SPIN1: variants seen among roughly 807,000 people sequenced by gnomAD.
SPIN1 encodes the protein spindlin 1.
In SPIN1, 3 loss-of-function variants were observed where a neutral mutation model predicts 26.0. That is an observed-to-expected ratio of 0.12 (90% CI 0.05 to 0.30). SPIN1 has a LOEUF of 0.30. Among genes scored for constraint, SPIN1 ranks in the 10% least tolerant of loss-of-function variants. The probability of loss-of-function intolerance (pLI) is 1.00; values close to 1 mark genes in which losing one functional copy is unlikely to be tolerated. For missense variants in SPIN1, 126 were observed against 333.4 expected, an observed-to-expected ratio of 0.38 and a Z score of 4.84; for synonymous variants, 101 against 116.5, an observed-to-expected ratio of 0.87 and a Z score of 0.86.
At position 88,437,273 on chromosome 9, in the gene SPIN1, C is replaced by T. The variant is rs114540300; in HGVS notation, c.52+10682C>T. ...AGTATTTTGGGAGGTCAAGGTAGGC[C>T]GATCTCTTGAGCCTGAGAATTCTAG... On this transcript the variant is annotated intron_variant, in intron 2 of 5. Transcript: ENST00000375859. Among the ~76,000 whole-genome samples the T allele has an allele frequency of 7.4e-3, 1,122 of 151,824 alleles. 12 individuals are homozygous for T. The highest frequency in any genetic ancestry group is 0.025 in the African/African-American group (1,048 of 41,432).
intron 1 of SPIN1, among the ~76,000 whole-genome samples, chr9:88,422,515 A>G (rs76340820): frequency 0.027 from 4,062 of 152,174 alleles, 140 homozygotes; most frequent in African/African-American, 0.088. Flanking sequence ...AGCTGTTAAA[A>G]CCAGGGTTTT....
rs1255703154 is a variant in SPIN1 at position 88,475,445 on chromosome 9, C to G, written c.*168C>G. ...TGAATAGTACAGATTGATGTGAACA[C>G]AAAGCATTTTGTGTAAGGAGAACCC... is the stretch of plus-strand genomic sequence containing the variant. On this transcript the variant is annotated 3_prime_UTR_variant, in exon 6 of 6. Transcript: ENST00000375859. 3.5e-6 allele frequency: 2 copies of G among 567,024 alleles called. No individual in the cohort carries two copies. The highest frequency in any genetic ancestry group is 1.9e-5 in the African/African-American group (1 of 52,558). 35.1% of individuals were successfully genotyped at this position (567,024 alleles called of 1,614,324 possible).
At chr9:88,389,862 ACT>A (rs1327623994) in intron 1 of SPIN1, among the ~76,000 whole-genome samples, 1 of 151,958 alleles carries the variant, frequency 6.6e-6, no homozygotes, top group Non-Finnish European at 1.5e-5. Context: ...TTTTTTTAAC[ACT>A]CTTTTGAAGT....
chr9:88,388,895 C>G (rs1826851337), intron 1 of SPIN1, among the ~76,000 whole-genome samples: 1 of 150,858 alleles, frequency 6.6e-6, no homozygotes, highest in African/African-American at 2.4e-5. Flanking sequence ...GGCGGGGAGG[C>G]CGGCGGGCAG....
chr9:88,455,327 A>G (rs1053929011), intron 3 of SPIN1, among the ~76,000 whole-genome samples: 14 of 152,168 alleles, frequency 9.2e-5, no homozygotes, highest in Admixed American at 6.5e-4. Context: ...GTGGTGGCAC[A>G]TGCCTGTAAT....
intron 1 of SPIN1, among the ~76,000 whole-genome samples, chr9:88,417,333 T>G (rs1827587908): frequency 6.6e-6 from 1 of 152,218 alleles, no homozygotes; most frequent in Non-Finnish European, 1.5e-5. Flanking sequence ...TATCTGTGTC[T>G]CATTTTCTCT....
chr9:88,414,642 GT>G (rs1263282185), intron 1 of SPIN1, among the ~76,000 whole-genome samples: 9 of 152,174 alleles, frequency 5.9e-5, no homozygotes, highest in African/African-American at 1.7e-4. Flanking sequence ...AGTTTAAGTG[GT>G]ATTTTGAGCT....
intron 4 of SPIN1, among the ~76,000 whole-genome samples, chr9:88,464,186 A>AAT (rs1408203923): frequency 2.0e-5 from 3 of 152,226 alleles, no homozygotes; most frequent in Non-Finnish European, 4.4e-5. Flanking sequence ...GTAAATCAGC[A>AAT]ATATATATGC....
At chr9:88,402,673 T>G (rs1337157918) in intron 1 of SPIN1, among the ~76,000 whole-genome samples, 1 of 152,238 alleles carries the variant, frequency 6.6e-6, no homozygotes, top group Non-Finnish European at 1.5e-5. Context: ...CATTCCATTG[T>G]GTATACATGC....
intron 1 of SPIN1, among the ~76,000 whole-genome samples, chr9:88,397,033 AG>A (rs1241393327): frequency 1.3e-5 from 2 of 152,046 alleles, no homozygotes; most frequent in African/African-American, 4.8e-5. Flanking sequence ...CTCTGGGTTG[AG>A]TCTGTGAGTG....
intron 1 of SPIN1, among the ~76,000 whole-genome samples, chr9:88,392,212 T>G (rs1458620484): frequency 6.6e-6 from 1 of 152,190 alleles, no homozygotes; most frequent in Non-Finnish European, 1.5e-5. Flanking sequence ...AGGTAAACAG[T>G]TTCCTTAGTT....
intron 4 of SPIN1, among the ~76,000 whole-genome samples, chr9:88,466,008 ATAGT>A (rs748227025): frequency 9.2e-5 from 14 of 152,214 alleles, no homozygotes; most frequent in Non-Finnish European, 1.8e-4. Flanking sequence ...TTGATAGGAA[ATAGT>A]TATTTTTAAT....
rs146538748 is a variant in SPIN1, at chr9:88,412,961, C to T, written c.-158-13421C>T. Among the ~76,000 whole-genome samples the T allele has an allele frequency of 7.3e-3, 1,114 of 151,620 alleles. 12 individuals are homozygous for T. Among genetic ancestry groups the T allele is most frequent in the African/African-American group, 0.025 (1,044 of 41,388 alleles). ...CCTCCCAAAGTGCTGGGATTACAGG[C>T]GTGAGCCACCGCGCCTGGCCTCTTT... On this transcript the variant is annotated intron_variant, in intron 1 of 5. Transcript: ENST00000375859.
rs1343799118 is a variant in SPIN1, at chr9:88,462,634, G to T, written c.240G>T (p.Val80=). Residue 80 remains valine, a synonymous_variant, in exon 4 of 6, where the codon GTG becomes GTT. Transcript: ENST00000375859. ...TQWKGTVLDQ[V]PVNPSLYLIK... ...GGAAAGGAACCGTTCTGGACCAGGTGCCTGTAAATCCTTCTTTGTATCTTA... is the reference window on the plus strand; with the variant it reads ...GGAAAGGAACCGTTCTGGACCAGGTTCCTGTAAATCCTTCTTTGTATCTTA... 1.2e-6 allele frequency: 2 copies of T among 1,614,008 alleles called. No individual in the cohort carries two copies. Among genetic ancestry groups the T allele is most frequent in the Non-Finnish European group, 1.7e-6 (2 of 1,180,030 alleles).
At chr9:88,394,520 C>A (rs1406556518) in intron 1 of SPIN1, among the ~76,000 whole-genome samples, 1 of 152,084 alleles carries the variant, frequency 6.6e-6, no homozygotes, top group East Asian at 1.9e-4. Context: ...TGAGCTTATC[C>A]TTTTTTCTCT....
intron 2 of SPIN1, among the ~76,000 whole-genome samples, chr9:88,447,584 C>T (rs368357991): frequency 6.6e-6 from 1 of 152,132 alleles, no homozygotes; most frequent in Admixed American, 6.5e-5. Flanking sequence ...TAAGAGGTGG[C>T]GATGGAATCT....
intron 1 of SPIN1, chr9:88,410,768 C>G: frequency 8.3e-7 from 1 of 1,199,858 alleles, no homozygotes; most frequent in Non-Finnish European, 1.2e-6. Flanking sequence ...CCATTATAGC[C>G]ATCCCCACTG....
chr9:88,429,751 T>C (rs1381104029), intron 2 of SPIN1, among the ~76,000 whole-genome samples: 1 of 152,152 alleles, frequency 6.6e-6, no homozygotes, highest in Non-Finnish European at 1.5e-5. Flanking sequence ...GATGATCAGC[T>C]CAACCTTCAG....
chr9:88,461,543 A>G (rs1178551993), intron 3 of SPIN1, among the ~76,000 whole-genome samples: 4 of 152,182 alleles, frequency 2.6e-5, no homozygotes, highest in Non-Finnish European at 1.5e-5. Context: ...CCTACAATAA[A>G]TTGTTTCTTT....
Sources: gnomAD v4.1 joint callset for allele counts (sites outside exome capture counted in the v4.1 genomes callset) on GRCh38, gnomAD v4.1.1 for gene constraint, MANE v1.5 for transcripts, NCBI Gene and HGNC (gene_info 2026-07-23, HGNC 2026-07-21) for gene names.